Variants in CCDC85A observed in about 807,000 individuals in gnomAD.
CCDC85A encodes coiled-coil domain containing 85A.
CCDC85A carries 38 observed loss-of-function variants against 50.2 expected under a neutral mutation model. That is an observed-to-expected ratio of 0.76 (90% CI 0.58 to 0.99). The LOEUF (loss-of-function observed/expected upper bound fraction) is 0.99. Ranked by LOEUF, CCDC85A falls within the 50% of genes least tolerant of loss-of-function variation. The pLI, the probability that CCDC85A is intolerant of heterozygous loss-of-function variation, is 0.00. For synonymous variants in CCDC85A, 366 were observed against 301.4 expected, an observed-to-expected ratio of 1.21 and a Z score of -2.22; for missense variants, 820 against 742.0, an observed-to-expected ratio of 1.11 and a Z score of -1.22.
intron 3 of CCDC85A, among the ~76,000 whole-genome samples, chr2:56,346,877 T>C (rs1325635858): frequency 6.6e-6 from 1 of 152,218 alleles, no homozygotes; most frequent in Admixed American, 6.5e-5. Flanking sequence ...GCTGCTCACA[T>C]TGGCTGTCAG....
chr2:56,385,158 T>A lies in CCDC85A; in HGVS notation c.*803T>A. The A allele has an allele frequency of 6.6e-6, 1 of 152,230 alleles. No individual in the cohort carries two copies. The highest frequency in any genetic ancestry group is 1.9e-4 in the East Asian group (1 of 5,158). The allele number at this position is 152,230 out of a possible 1,614,324, so 9.4% of individuals were successfully genotyped here. On this transcript the variant is annotated 3_prime_UTR_variant, in exon 6 of 6. Coordinates refer to ENST00000407595, the MANE Select transcript of CCDC85A (RefSeq NM_001080433.2). ...TGGTGTTAATATTAACAATTTCAAC[T>A]AAAAACAACAAACATAATTTTTCTA...
intron 2 of CCDC85A, among the ~76,000 whole-genome samples, chr2:56,204,003 AC>A (rs977581227): frequency 1.3e-5 from 2 of 152,152 alleles, no homozygotes; most frequent in African/African-American, 4.8e-5. Context: ...CCTTTAGTAC[AC>A]CATCAACCTC....
intron 2 of CCDC85A, among the ~76,000 whole-genome samples, chr2:56,231,655 C>T (rs1668778891): frequency 6.6e-6 from 1 of 151,916 alleles, no homozygotes; most frequent in African/African-American, 2.4e-5. Flanking sequence ...GTGCCTAAAA[C>T]CTTAGAGAGT....
At chr2:56,206,922 A>G (rs1327784419) in intron 2 of CCDC85A, among the ~76,000 whole-genome samples, 1 of 152,062 alleles carries the variant, frequency 6.6e-6, no homozygotes, top group African/African-American at 2.4e-5. Flanking sequence ...AAGAAAATCT[A>G]TCTTCTGACT....
intron 2 of CCDC85A, among the ~76,000 whole-genome samples, chr2:56,201,558 G>A (rs1378569373): frequency 1.3e-5 from 2 of 152,084 alleles, no homozygotes; most frequent in Non-Finnish European, 2.9e-5. Flanking sequence ...GATCTAGGCT[G>A]TATGTAGCTA....
intron 2 of CCDC85A, among the ~76,000 whole-genome samples, chr2:56,297,582 G>A (rs1274162314): frequency 1.3e-5 from 2 of 152,140 alleles, no homozygotes; most frequent in African/African-American, 4.8e-5. Flanking sequence ...ACAGTGCAGG[G>A]CCATGGAAAG....
chr2:56,184,999 G>A lies in CCDC85A; in HGVS notation c.276+99G>A. ...AAACTTTCCCTCCCTCCCTCAACAG[G>A]TGACCCTCCCCTTCTCCCGGTCGGC... On this transcript the variant is annotated intron_variant, in intron 1 of 5. Coordinates refer to ENST00000407595, the MANE Select transcript of CCDC85A (RefSeq NM_001080433.2). The A allele has an allele frequency of 7.3e-6, 10 of 1,365,094 alleles. No homozygotes were observed. In the South Asian group the frequency reaches 1.4e-4, roughly 19 times the overall value. 84.6% of individuals were successfully genotyped at this position (1,365,094 alleles called of 1,614,324 possible).
intron 2 of CCDC85A, among the ~76,000 whole-genome samples, chr2:56,264,544 T>C (rs1670355684): frequency 2.0e-5 from 3 of 152,192 alleles, no homozygotes; most frequent in African/African-American, 7.2e-5. Context: ...GCCAACACCC[T>C]GGTCTAAGCC....
intron 1 of CCDC85A, among the ~76,000 whole-genome samples, chr2:56,189,298 T>TTTTTTTTTG (rs113820990): frequency 5.0e-5 from 4 of 79,260 alleles, no homozygotes; most frequent in African/African-American, 2.0e-4. Flanking sequence ...ATTTTTGGTG[T>TTTTTTTTTG]TTTTTTTTTT....
chr2:56,342,746 AT>A (rs149233568), intron 2 of CCDC85A, 132 bp from the exon 3 acceptor site: 189 of 492,358 alleles, frequency 3.8e-4, no homozygotes, highest in East Asian at 6.1e-4. Flanking sequence ...TCTGGGAGAT[AT>A]TTTTTTTTCT....
chr2:56,268,889 T>C (rs1241012959), intron 2 of CCDC85A, among the ~76,000 whole-genome samples: 1 of 152,166 alleles, frequency 6.6e-6, no homozygotes, highest in East Asian at 1.9e-4. Flanking sequence ...TTTTTTGTTA[T>C]TGTTAGTTTA....
chr2:56,354,586 G>A (rs1287073943), intron 3 of CCDC85A, among the ~76,000 whole-genome samples: 3 of 152,184 alleles, frequency 2.0e-5, no homozygotes. Flanking sequence ...CAGTGAGATG[G>A]TAATGAGTGT....
chr2:56,281,992 T>C (rs1233220743), intron 2 of CCDC85A, among the ~76,000 whole-genome samples: 1 of 152,202 alleles, frequency 6.6e-6, no homozygotes, highest in Non-Finnish European at 1.5e-5. Context: ...CTAAGAAATC[T>C]TTGCATACTC....
intron 2 of CCDC85A, among the ~76,000 whole-genome samples, chr2:56,199,489 A>G (rs1022932973): frequency 6.6e-6 from 1 of 152,122 alleles, no homozygotes; most frequent in African/African-American, 2.4e-5. Context: ...GAAATTTATC[A>G]CCTTAGGCTC....
intron 2 of CCDC85A, among the ~76,000 whole-genome samples, chr2:56,258,675 A>T (rs1012677017): frequency 6.6e-6 from 1 of 152,258 alleles, no homozygotes; most frequent in African/African-American, 2.4e-5. Flanking sequence ...CAAAATTTAA[A>T]TTGAACTGTA....
intron 2 of CCDC85A, among the ~76,000 whole-genome samples, chr2:56,317,464 C>T (rs1291804958): frequency 6.6e-6 from 1 of 152,038 alleles, no homozygotes; most frequent in Non-Finnish European, 1.5e-5. Flanking sequence ...TGAACTAAGG[C>T]TGTCTCTCCT....
At chr2:56,320,863 C>A (rs1673146087) in intron 2 of CCDC85A, among the ~76,000 whole-genome samples, 1 of 152,092 alleles carries the variant, frequency 6.6e-6, no homozygotes, top group Admixed American at 6.6e-5. Flanking sequence ...ACCAATATCC[C>A]TGATGAACAT....
At chr2:56,216,462 A>G (rs1677397217) in intron 2 of CCDC85A, among the ~76,000 whole-genome samples, 4 of 151,586 alleles carry the variant, frequency 2.6e-5, no homozygotes, top group African/African-American at 9.7e-5. Flanking sequence ...TTTAAGTTTT[A>G]ATTTGTTCCT....
intron 2 of CCDC85A, among the ~76,000 whole-genome samples, chr2:56,196,884 CAAAAAAA>C (rs11301097): frequency 2.3e-5 from 3 of 131,174 alleles, no homozygotes; most frequent in Non-Finnish European, 4.9e-5. Flanking sequence ...TCTTCGTCTT[CAAAAAAA>C]AAAAAAAAAA....
Sources: allele counts gnomAD v4.1 joint callset (sites outside exome capture counted in the v4.1 genomes callset), GRCh38; gene constraint gnomAD v4.1.1; transcripts MANE v1.5; gene names NCBI Gene and HGNC (gene_info 2026-07-23, HGNC 2026-07-21).